PBX3: variants seen among roughly 807,000 people sequenced by gnomAD.
The protein encoded by PBX3 is pre-B-cell leukemia transcription factor 3.
PBX3 carries 14 observed loss-of-function variants against 48.5 expected under a neutral mutation model. The ratio of observed to expected loss-of-function variants is 0.29; its 90% CI spans 0.19 to 0.45. The LOEUF (loss-of-function observed/expected upper bound fraction) is 0.45. Ranked by LOEUF, PBX3 falls within the 20% of genes least tolerant of loss-of-function variation. PBX3 has a pLI of 1.00. For missense variants in PBX3, 386 were observed against 546.7 expected, an observed-to-expected ratio of 0.71 and a Z score of 2.93; for synonymous variants, 210 against 200.3, an observed-to-expected ratio of 1.05 and a Z score of -0.41.
rs74422119 is a variant in PBX3, at chr9:125,749,814, G to A, written c.274+1191G>A. On this transcript the variant is annotated intron_variant, in intron 2 of 8. Coordinates refer to ENST00000373489, the MANE Select transcript of PBX3 (RefSeq NM_006195.6). ...TTGCAATACTATTCTGATCCTAAAA[G>A]TAATCAAGAAAAGATGATGAGTTAT... is the stretch of plus-strand genomic sequence containing the variant. Among the ~76,000 whole-genome samples the A allele has an allele frequency of 1.7e-3, 256 of 152,228 alleles. 7 individuals are homozygous for A. In the East Asian group the frequency reaches 0.04, roughly 24 times the overall value.
chr9:125,748,496 A>G (rs1836271875), intron 1 of PBX3, 54 bp from the exon 2 acceptor site: 3 of 1,589,098 alleles, frequency 1.9e-6, no homozygotes, highest in East Asian at 2.2e-5. Context: ...GGAAGGCGCC[A>G]TATTATTCCA....
At chr9:125,784,351 A>G (rs1238159054) in intron 2 of PBX3, among the ~76,000 whole-genome samples, 1 of 151,076 alleles carries the variant, frequency 6.6e-6, no homozygotes, top group Non-Finnish European at 1.5e-5. Flanking sequence ...CTGGTCTTGA[A>G]CTCCTGACCT....
intron 5 of PBX3, among the ~76,000 whole-genome samples, chr9:125,945,389 C>T (rs569242131): frequency 6.6e-6 from 1 of 152,208 alleles, no homozygotes; most frequent in Non-Finnish European, 1.5e-5. Context: ...TTATCCCTGC[C>T]CCCTGCCAAA....
chr9:125,794,491 C>T (rs1001193884), intron 2 of PBX3, among the ~76,000 whole-genome samples: 1 of 151,960 alleles, frequency 6.6e-6, no homozygotes, highest in Non-Finnish European at 1.5e-5. Context: ...TTAGTTACTG[C>T]TCAGTTTCTA....
At chr9:125,934,404 C>T (rs1326064773) in intron 4 of PBX3, among the ~76,000 whole-genome samples, 1 of 152,124 alleles carries the variant, frequency 6.6e-6, no homozygotes, top group East Asian at 1.9e-4. Context: ...AGAAAATTAT[C>T]TGGGGAAGGT....
rs570416095 is a variant in PBX3 at position 125,804,818 on chromosome 9, G to A, written c.274+56195G>A. On this transcript the variant is annotated intron_variant, in intron 2 of 8. Coordinates refer to ENST00000373489, the MANE Select transcript of PBX3 (RefSeq NM_006195.6). ...AAAAATTAGCTGGGCGGGGTGGCGG[G>A]TACCTGTAATCCCAGCTACTCGGGC... 2.6e-4 allele frequency among the ~76,000 whole-genome samples: 31 copies of A among 118,572 alleles called. No homozygotes were observed. In the South Asian group the frequency reaches 7.8e-3, roughly 30 times the overall value. The allele number at this position is 118,572 out of a possible 152,430, so 77.8% of individuals were successfully genotyped here.
chr9:125,873,682 A>G (rs762214455), intron 2 of PBX3, among the ~76,000 whole-genome samples: 28 of 152,194 alleles, frequency 1.8e-4, no homozygotes, highest in Non-Finnish European at 3.5e-4. Flanking sequence ...CACTTAGGAA[A>G]TATGACTAAA....
Position 125,748,601 on chromosome 9 carries a change from G to T in PBX3, c.252G>T (p.Leu84=). 1 of 1,613,708 alleles carries T rather than the reference G, an allele frequency of 6.2e-7. No homozygotes were observed. Among genetic ancestry groups the T allele is most frequent in the Non-Finnish European group, 8.5e-7 (1 of 1,179,908 alleles). ...TGAAACCAGCGCTCTTCAGCGTCCT[G>T]TGTGAGATCAAAGAGAAAACAGGTA... The part of the protein sequence containing the change: ...HRMKPALFSV[L]CEIKEKTGLS... The change falls in exon 2 of 9, where the codon CTG becomes CTT. Residue 84 remains leucine (L), a synonymous_variant. Transcript: ENST00000373489.
intron 4 of PBX3, among the ~76,000 whole-genome samples, chr9:125,931,781 G>T (rs887650694): frequency 2.0e-5 from 3 of 152,152 alleles, no homozygotes; most frequent in South Asian, 4.1e-4. Flanking sequence ...GTAATTAAAT[G>T]TAATAGGGTG....
chr9:125,897,324 C>T (rs1261680626), intron 2 of PBX3, among the ~76,000 whole-genome samples: 3 of 151,604 alleles, frequency 2.0e-5, no homozygotes, highest in Non-Finnish European at 4.4e-5. Context: ...TTTAGAATAG[C>T]TTCTTGAGGG....
chr9:125,832,606 A>G (rs1360826195), intron 2 of PBX3, among the ~76,000 whole-genome samples: 2 of 152,206 alleles, frequency 1.3e-5, no homozygotes, highest in Non-Finnish European at 2.9e-5. Context: ...CAGTTATGTC[A>G]TTTAATTAGT....
At chr9:125,870,218 G>A (rs1023001600) in intron 2 of PBX3, among the ~76,000 whole-genome samples, 5 of 151,894 alleles carry the variant, frequency 3.3e-5, no homozygotes, top group East Asian at 1.9e-4. Flanking sequence ...GCAGGTGTGC[G>A]CCATCATGCC....
At chr9:125,906,620 A>G (rs964064762) in intron 2 of PBX3, among the ~76,000 whole-genome samples, 1 of 152,028 alleles carries the variant, frequency 6.6e-6, no homozygotes, top group Non-Finnish European at 1.5e-5. Flanking sequence ...ACCTTAAACT[A>G]CAAAGTAAGT....
chr9:125,942,738 A>AAAGAAG (rs1588322573), intron 5 of PBX3, among the ~76,000 whole-genome samples: 2 of 152,336 alleles, frequency 1.3e-5, no homozygotes, highest in East Asian at 3.9e-4. Flanking sequence ...AGAAGGCTAC[A>AAAGAAG]GACCCTCTGT....
At chr9:125,927,215 T>C (rs988327774) in intron 3 of PBX3, among the ~76,000 whole-genome samples, 1 of 152,206 alleles carries the variant, frequency 6.6e-6, no homozygotes, top group African/African-American at 2.4e-5. Context: ...AGCCCACCAA[T>C]CTGTAGATGT....
chr9:125,942,131 GAA>G (rs1189489134), intron 5 of PBX3, among the ~76,000 whole-genome samples: 1 of 152,202 alleles, frequency 6.6e-6, no homozygotes, highest in African/African-American at 2.4e-5. Context: ...TACAGATGAG[GAA>G]ACTGAAGTTC....
intron 5 of PBX3, among the ~76,000 whole-genome samples, chr9:125,944,197 C>T (rs1842020788): frequency 6.6e-6 from 1 of 152,236 alleles, no homozygotes; most frequent in Non-Finnish European, 1.5e-5. Flanking sequence ...TCCAGAGATG[C>T]TCTTGGGCTT....
chr9:125,776,407 A>C (rs1237389167), intron 2 of PBX3, among the ~76,000 whole-genome samples: 2 of 152,160 alleles, frequency 1.3e-5, no homozygotes, highest in Non-Finnish European at 2.9e-5. Context: ...TCATAATGTG[A>C]AATCCTTTAA....
intron 2 of PBX3, among the ~76,000 whole-genome samples, chr9:125,821,062 G>T (rs1838638008): frequency 6.6e-6 from 1 of 152,158 alleles, no homozygotes; most frequent in South Asian, 2.1e-4. Flanking sequence ...TGGGTTAAAA[G>T]TCATGAGTTC....
Sources: allele counts gnomAD v4.1 joint callset (sites outside exome capture counted in the v4.1 genomes callset), GRCh38; gene constraint gnomAD v4.1.1; transcripts MANE v1.5; gene names NCBI Gene and HGNC (gene_info 2026-07-23, HGNC 2026-07-21).